The following KSR2 variants were observed in gnomAD, a reference collection of about 807,000 sequenced individuals.
KSR2 encodes kinase suppressor of ras 2.
In KSR2, 25 loss-of-function variants were observed where a neutral mutation model predicts 107.8. The observed-to-expected ratio is 0.23, with a 90% CI of 0.17 to 0.32. The LOEUF (loss-of-function observed/expected upper bound fraction) is 0.32, where lower values mean the gene tolerates loss of function less well. Ranked by LOEUF, KSR2 falls within the 10% of genes least tolerant of loss-of-function variation. The probability of loss-of-function intolerance (pLI) is 1.00; values close to 1 mark genes in which losing one functional copy is unlikely to be tolerated. For synonymous variants in KSR2, 480 were observed against 507.0 expected, an observed-to-expected ratio of 0.95 and a Z score of 0.71; for missense variants, 887 against 1,268.9, an observed-to-expected ratio of 0.70 and a Z score of 4.57.
intron 1 of KSR2, among the ~76,000 whole-genome samples, chr12:117,951,119 A>T (rs1052447440): frequency 2.0e-5 from 3 of 152,086 alleles, no homozygotes; most frequent in Non-Finnish European, 4.4e-5. Context: ...TGTGTTAGCC[A>T]GGATGGTCTC....
In KSR2 at chr12:117,463,545, A is replaced by G. The variant is rs943211518; in HGVS notation, c.*3654T>C. 7 of 152,204 alleles carry G rather than the reference A, an allele frequency of 4.6e-5. No individual in the cohort carries two copies. The highest frequency in any genetic ancestry group is 1.0e-4 in the Non-Finnish European group (7 of 68,038). The allele number at this position is 152,204 out of a possible 1,614,324, so 9.4% of individuals were successfully genotyped here. ...ATGGAGAGGTGACTGTGCTCCAATA[A>G]CATTTTGTTTATTGACATGAAATTT... is the stretch of plus-strand genomic sequence containing the variant. On this transcript the variant is annotated 3_prime_UTR_variant, in exon 20 of 20. Transcript: ENST00000339824.
At chr12:117,755,638 T>C (rs1334433995) in intron 4 of KSR2, among the ~76,000 whole-genome samples, 1 of 152,206 alleles carries the variant, frequency 6.6e-6, no homozygotes, top group Non-Finnish European at 1.5e-5. Context: ...GAAATTAGCC[T>C]GATTAATAAC....
chr12:117,655,854 A>G (rs942332668), intron 5 of KSR2, among the ~76,000 whole-genome samples: 2 of 152,232 alleles, frequency 1.3e-5, no homozygotes, highest in African/African-American at 4.8e-5. Flanking sequence ...TACGCATGGA[A>G]TACAGGAGAT....
At chr12:117,597,829 A>G (rs943028617) in intron 5 of KSR2, among the ~76,000 whole-genome samples, 2 of 152,202 alleles carry the variant, frequency 1.3e-5, no homozygotes, top group Non-Finnish European at 2.9e-5. Context: ...ACATGCATAA[A>G]TGGACATTTA....
At chr12:117,737,361 AT>A (rs35440545) in intron 4 of KSR2, among the ~76,000 whole-genome samples, 72,989 of 151,908 alleles carry the variant, frequency 0.48, 18,625 homozygotes, top group South Asian at 0.7. Context: ...AGCACACTGC[AT>A]TTTTTTTTAT....
chr12:117,967,782 CG>C (rs1896841586), intron 1 of KSR2, among the ~76,000 whole-genome samples: 1 of 152,080 alleles, frequency 6.6e-6, no homozygotes, highest in African/African-American at 2.4e-5. Context: ...CGAATGACAA[CG>C]GTAACAGCCG....
At chr12:117,813,710 T>C (rs990298041) in intron 3 of KSR2, among the ~76,000 whole-genome samples, 8 of 152,152 alleles carry the variant, frequency 5.3e-5, no homozygotes, top group African/African-American at 1.9e-4. Context: ...CAGAAAACAG[T>C]ATGGAAGTTC....
chr12:117,687,707 G>A (rs909516100), intron 4 of KSR2, among the ~76,000 whole-genome samples: 56 of 152,188 alleles, frequency 3.7e-4, no homozygotes, highest in South Asian at 6.2e-4. Context: ...CAACCTTATT[G>A]GGGGTGTCAA....
chr12:117,653,274 A>T (rs1883979863), intron 5 of KSR2, among the ~76,000 whole-genome samples: 1 of 152,226 alleles, frequency 6.6e-6, no homozygotes, highest in Non-Finnish European at 1.5e-5. Flanking sequence ...GAGCAAATCA[A>T]CATATCTCTG....
chr12:117,603,040 C>T (rs897557716), intron 5 of KSR2, among the ~76,000 whole-genome samples: 1 of 152,158 alleles, frequency 6.6e-6, no homozygotes, highest in Non-Finnish European at 1.5e-5. Flanking sequence ...CATTATGTGG[C>T]CTCTTTTCCA....
At chr12:117,602,692 T>G (rs1452241169) in intron 5 of KSR2, among the ~76,000 whole-genome samples, 1 of 152,262 alleles carries the variant, frequency 6.6e-6, no homozygotes, top group African/African-American at 2.4e-5. Flanking sequence ...TTTGCTATTA[T>G]GAATATGCTC....
chr12:117,695,603 T>TG (rs941260639), intron 4 of KSR2, among the ~76,000 whole-genome samples: 2 of 149,420 alleles, frequency 1.3e-5, no homozygotes, highest in African/African-American at 4.9e-5. Context: ...CCCAGCTACT[T>TG]GGGGGGCTGA....
intron 17 of KSR2, among the ~76,000 whole-genome samples, chr12:117,473,598 A>C (rs553570689): frequency 6.6e-6 from 1 of 152,342 alleles, no homozygotes; most frequent in African/African-American, 2.4e-5. Context: ...AAGGAGGCAT[A>C]AACAGACTCA....
rs1285956180 is a variant in KSR2 at position 117,764,107 on chromosome 12, CT to C, written c.473-2584del. On this transcript the variant is annotated intron_variant, in intron 3 of 19. Coordinates refer to ENST00000339824, the MANE Select transcript of KSR2 (RefSeq NM_173598.6). ...ACTGTCCCATTTTTAATTAAAACAACTCATTTTGTTATTATATATTCAGTAC... is the reference window on the plus strand; with the variant it reads ...ACTGTCCCATTTTTAATTAAAACAACCATTTTGTTATTATATATTCAGTAC... Among the ~76,000 whole-genome samples the C allele has an allele frequency of 3.9e-5, 6 of 152,046 alleles. No homozygotes were observed. The East Asian group carries it at 1.2e-3, about 29-fold the overall frequency.
chr12:117,563,413 A>T (rs1592996775), intron 7 of KSR2, among the ~76,000 whole-genome samples: 1 of 152,274 alleles, frequency 6.6e-6, no homozygotes, highest in East Asian at 1.9e-4. Context: ...TCCTGATACC[A>T]CCACTCCCTG....
At chr12:117,573,819 G>T (rs150543637) in intron 7 of KSR2, among the ~76,000 whole-genome samples, 1 of 152,068 alleles carries the variant, frequency 6.6e-6, no homozygotes, top group African/African-American at 2.4e-5. Flanking sequence ...ATGAGCCACC[G>T]TGCCTGGCTC....
chr12:117,642,133 C>T (rs1883402027), intron 5 of KSR2, among the ~76,000 whole-genome samples: 1 of 152,226 alleles, frequency 6.6e-6, no homozygotes, highest in South Asian at 2.1e-4. Flanking sequence ...CCTGTCCCCT[C>T]ACCATTGCTG....
At chr12:117,477,579 A>G (rs1482014035) in intron 16 of KSR2, among the ~76,000 whole-genome samples, 1 of 152,238 alleles carries the variant, frequency 6.6e-6, no homozygotes, top group Non-Finnish European at 1.5e-5. Context: ...CAAAGATAAG[A>G]TGGATCTTAC....
At chr12:117,715,850 C>G (rs2136670666) in intron 4 of KSR2, among the ~76,000 whole-genome samples, 1 of 152,318 alleles carries the variant, frequency 6.6e-6, no homozygotes, top group Non-Finnish European at 1.5e-5. Flanking sequence ...AGTTGAGTCT[C>G]TTTCAAGGCA....
Sources: gnomAD v4.1 joint callset for allele counts (sites outside exome capture counted in the v4.1 genomes callset) on GRCh38, gnomAD v4.1.1 for gene constraint, MANE v1.5 for transcripts, NCBI Gene and HGNC (gene_info 2026-07-23, HGNC 2026-07-21) for gene names.